The following PARD3B variants were observed in gnomAD, a reference collection of about 807,000 sequenced individuals.
The protein encoded by PARD3B is partitioning defective 3 homolog B.
A neutral mutation model predicts 130.2 loss-of-function variants in PARD3B; 103 were observed. That is an observed-to-expected ratio of 0.79 (90% CI 0.67 to 0.93). The LOEUF (loss-of-function observed/expected upper bound fraction) is 0.93. Among genes scored for constraint, PARD3B ranks in the 40% least tolerant of loss-of-function variants. The pLI, the probability that PARD3B is intolerant of heterozygous loss-of-function variation, is 0.00. For synonymous variants in PARD3B, 583 were observed against 553.2 expected, an observed-to-expected ratio of 1.05 and a Z score of -0.76; for missense variants, 1,609 against 1,499.2, an observed-to-expected ratio of 1.07 and a Z score of -1.21.
chr2:205,342,447 A>G (rs2043578704), intron 18 of PARD3B, among the ~76,000 whole-genome samples: 1 of 152,218 alleles, frequency 6.6e-6, no homozygotes, highest in South Asian at 2.1e-4. Context: ...GACATAAAAT[A>G]GAGATTTCAT....
At chr2:205,130,290 A>G (rs1265785709) in intron 10 of PARD3B, among the ~76,000 whole-genome samples, 2 of 152,320 alleles carry the variant, frequency 1.3e-5, no homozygotes, top group South Asian at 2.1e-4. Flanking sequence ...ACTTGAAATG[A>G]AAACTATGCT....
At chr2:204,845,478 C>T (rs192391201) in intron 2 of PARD3B, among the ~76,000 whole-genome samples, 135 of 152,116 alleles carry the variant, frequency 8.9e-4, no homozygotes, top group African/African-American at 2.9e-3. Context: ...AGATTTTACT[C>T]ATAGAGTAAA....
rs202009079 is a variant in PARD3B, at chr2:205,440,341, A to G, written c.2742-29A>G. 5.0e-6 allele frequency: 8 copies of G among 1,599,122 alleles called. No homozygotes were observed. The highest frequency in any genetic ancestry group is 6.8e-6 in the Non-Finnish European group (8 of 1,168,126). ...GTATTATTATATGAAACTCACATAC[A>G]TCTTTGCTACCTGTACTGTATTTTT... On this transcript the variant is annotated intron_variant, in intron 19 of 22. Transcript: ENST00000406610. This position sits in a 1 kb window ranked among gnomAD's most constrained non-coding sequence, Gnocchi z 4.2.
chr2:205,484,834 T>C (rs920368914), intron 20 of PARD3B, among the ~76,000 whole-genome samples: 2 of 152,224 alleles, frequency 1.3e-5, no homozygotes, highest in Non-Finnish European at 1.5e-5. Flanking sequence ...ATTGACATCA[T>C]GTTTATTGAA....
intron 22 of PARD3B, among the ~76,000 whole-genome samples, chr2:205,579,109 A>G (rs1244761181): frequency 2.0e-5 from 3 of 152,230 alleles, no homozygotes; most frequent in Non-Finnish European, 4.4e-5. Flanking sequence ...AAGAAAATAT[A>G]TTTCTCTTCC....
At chr2:204,712,774 T>C (rs2038519181) in intron 2 of PARD3B, among the ~76,000 whole-genome samples, 1 of 151,182 alleles carries the variant, frequency 6.6e-6, no homozygotes, top group Non-Finnish European at 1.5e-5. Context: ...AAAAATAGAG[T>C]AATACCTTTT....
chr2:205,119,355 C>T (rs562986779), intron 7 of PARD3B, among the ~76,000 whole-genome samples: 6 of 152,032 alleles, frequency 3.9e-5, no homozygotes, highest in Non-Finnish European at 5.9e-5. Context: ...TGGTATTTAA[C>T]GGCTCTTTTC....
intron 2 of PARD3B, among the ~76,000 whole-genome samples, chr2:204,886,044 C>T (rs140885349): frequency 3.3e-5 from 5 of 152,222 alleles, no homozygotes; most frequent in African/African-American, 4.8e-5. Flanking sequence ...AGTTTCCCAT[C>T]GTTATTTTCT....
At chr2:204,631,788 G>A (rs1484997370) in intron 1 of PARD3B, among the ~76,000 whole-genome samples, 1 of 152,132 alleles carries the variant, frequency 6.6e-6, no homozygotes, top group Non-Finnish European at 1.5e-5. Flanking sequence ...ATCATGTAAG[G>A]CAGATCTGGT....
intron 2 of PARD3B, among the ~76,000 whole-genome samples, chr2:204,737,730 C>G (rs1021738565): frequency 6.6e-6 from 1 of 152,116 alleles, no homozygotes; most frequent in Non-Finnish European, 1.5e-5. Context: ...AGTCTTTGGT[C>G]TATCTTGAGT....
chr2:204,849,542 T>C (rs2044621191), intron 2 of PARD3B, among the ~76,000 whole-genome samples: 1 of 152,334 alleles, frequency 6.6e-6, no homozygotes, highest in South Asian at 2.1e-4. Context: ...CTTCTGAACC[T>C]TTTCATGAAA....
At chr2:204,777,639 C>T (rs1284736755) in intron 2 of PARD3B, among the ~76,000 whole-genome samples, 2 of 152,020 alleles carry the variant, frequency 1.3e-5, no homozygotes, top group Non-Finnish European at 2.9e-5. Flanking sequence ...AATTGTGGTG[C>T]ATGCTTGTGG....
chr2:204,620,846 CA>C (rs2034274377), intron 1 of PARD3B, among the ~76,000 whole-genome samples: 1 of 152,006 alleles, frequency 6.6e-6, no homozygotes, highest in Non-Finnish European at 1.5e-5. Flanking sequence ...GGGAATGGGG[CA>C]AGGAACAGAG....
chr2:204,883,165 A>G (rs1346328661), intron 2 of PARD3B, among the ~76,000 whole-genome samples: 1 of 151,652 alleles, frequency 6.6e-6, no homozygotes, highest in Non-Finnish European at 1.5e-5. Flanking sequence ...ATAATTACTT[A>G]CCCAATAAAT....
chr2:204,588,350 G>A (rs1349286005), intron 1 of PARD3B, among the ~76,000 whole-genome samples: 1 of 152,186 alleles, frequency 6.6e-6, no homozygotes, highest in Admixed American at 6.6e-5. Context: ...TGAAGATGCT[G>A]AAACTCCTGG....
chr2:205,385,978 C>A (rs1237684451), intron 18 of PARD3B, among the ~76,000 whole-genome samples: 1 of 151,888 alleles, frequency 6.6e-6, no homozygotes, highest in East Asian at 1.9e-4. Context: ...TTTTTAATTT[C>A]AAAAATATTT....
chr2:205,115,148 A>G (rs1703936709), intron 6 of PARD3B, among the ~76,000 whole-genome samples: 3 of 152,178 alleles, frequency 2.0e-5, no homozygotes, highest in African/African-American at 7.2e-5. Context: ...TCAGAAAACA[A>G]GCTGATCCTA....
chr2:204,805,036 A>C (rs937856140), intron 2 of PARD3B, among the ~76,000 whole-genome samples: 12 of 152,138 alleles, frequency 7.9e-5, no homozygotes, highest in African/African-American at 2.9e-4. Flanking sequence ...GTGAAAAAGT[A>C]GAAAAGCAAA....
chr2:205,220,671 A>T (rs2038189622), intron 15 of PARD3B, among the ~76,000 whole-genome samples: 1 of 152,200 alleles, frequency 6.6e-6, no homozygotes, highest in African/African-American at 2.4e-5. Flanking sequence ...AATGATAAGA[A>T]GATAATGATG....
Sources: gnomAD v4.1 joint callset for allele counts (sites outside exome capture counted in the v4.1 genomes callset) on GRCh38, gnomAD v4.1.1 for gene constraint, Gnocchi (gnomAD v3.1) non-coding constraint, MANE v1.5 for transcripts, NCBI Gene and HGNC (gene_info 2026-07-23, HGNC 2026-07-21) for gene names.